The following CHST9 variants were observed in gnomAD, a reference collection of about 807,000 sequenced individuals.
The protein encoded by CHST9 is GalNAc-4-sulfotransferase 2.
In CHST9, 41 loss-of-function variants were observed where a neutral mutation model predicts 44.4. The observed-to-expected ratio is 0.92, with a 90% CI of 0.72 to 1.20. The LOEUF is 1.20. Among genes scored for constraint, CHST9 ranks in the 50% most tolerant of loss-of-function variants. The pLI is 0.00. For synonymous variants in CHST9, 171 were observed against 178.4 expected, an observed-to-expected ratio of 0.96 and a Z score of 0.33; for missense variants, 504 against 516.5, an observed-to-expected ratio of 0.98 and a Z score of 0.23.
intron 2 of CHST9, among the ~76,000 whole-genome samples, chr18:27,106,402 G>A (rs1439440974): frequency 2.6e-5 from 4 of 152,074 alleles, no homozygotes; most frequent in African/African-American, 9.7e-5. Flanking sequence ...TTTTGTTAAT[G>A]CCATTATTGG....
intron 5 of CHST9, among the ~76,000 whole-genome samples, chr18:26,929,745 C>A (rs887063107): frequency 6.6e-6 from 1 of 151,744 alleles, no homozygotes; most frequent in Non-Finnish European, 1.5e-5. Context: ...CCAGTTATTA[C>A]GGGGTAGGAG....
intron 2 of CHST9, among the ~76,000 whole-genome samples, chr18:27,111,973 A>G (rs2058274536): frequency 6.6e-6 from 1 of 152,054 alleles, no homozygotes; most frequent in African/African-American, 2.4e-5. Context: ...CTGGGTCTCC[A>G]GCTTACAGAT....
chr18:27,138,889 A>C (rs1303709945), intron 2 of CHST9, among the ~76,000 whole-genome samples: 1 of 152,216 alleles, frequency 6.6e-6, no homozygotes, highest in Non-Finnish European at 1.5e-5. Context: ...ACTACGAAAA[A>C]AAAAACTAAA....
At chr18:27,130,244 C>A (rs755604437) in intron 2 of CHST9, among the ~76,000 whole-genome samples, 1 of 152,152 alleles carries the variant, frequency 6.6e-6, no homozygotes, top group Non-Finnish European at 1.5e-5. Flanking sequence ...TTGCTGACTG[C>A]CATGAATTAT....
At chr18:27,078,544 T>G (rs2057929680) in intron 2 of CHST9, among the ~76,000 whole-genome samples, 1 of 152,158 alleles carries the variant, frequency 6.6e-6, no homozygotes, top group Non-Finnish European at 1.5e-5. Context: ...AACAAGGTTG[T>G]CCTGGTAGAT....
chr18:26,981,736 G>A (rs2056694476), intron 4 of CHST9, among the ~76,000 whole-genome samples: 1 of 152,160 alleles, frequency 6.6e-6, no homozygotes, highest in African/African-American at 2.4e-5. Flanking sequence ...TAGAAGCGGA[G>A]GCCTGACAAT....
intron 2 of CHST9, among the ~76,000 whole-genome samples, chr18:27,103,966 G>A (rs1387599301): frequency 6.6e-6 from 1 of 152,148 alleles, no homozygotes; most frequent in African/African-American, 2.4e-5. Flanking sequence ...CCTGATGCAA[G>A]GGGGTGAGAA....
At chr18:26,956,689 A>T (rs1470354514) in intron 4 of CHST9, among the ~76,000 whole-genome samples, 2 of 152,098 alleles carry the variant, frequency 1.3e-5, no homozygotes, top group Non-Finnish European at 2.9e-5. Context: ...TTCAAATCAT[A>T]CTTGAAAAGG....
At chr18:27,035,021 G>T (rs1218293096) in intron 3 of CHST9, among the ~76,000 whole-genome samples, 1 of 152,176 alleles carries the variant, frequency 6.6e-6, no homozygotes, top group Non-Finnish European at 1.5e-5. Context: ...TACATACCCA[G>T]AAATGGGATG....
At position 27,108,401 on chromosome 18, in the gene CHST9, T is replaced by C. The variant is rs748946803; in HGVS notation, c.121+34288A>G. On this transcript the variant is annotated intron_variant, in intron 2 of 5. Transcript: ENST00000618847. ...CAATAAGCAAATGAGATTTTTCTAG[T>C]GTGGGCAAGTATTTAAATGGTATGT... is the stretch of plus-strand genomic sequence containing the variant. Among the ~76,000 whole-genome samples the C allele has an allele frequency of 4.6e-5, 7 of 152,230 alleles. No homozygotes were observed. In the East Asian group the frequency reaches 1.2e-3, roughly 25 times the overall value.
chr18:27,162,193 C>T (rs1419441078), intron 1 of CHST9, among the ~76,000 whole-genome samples: 1 of 152,176 alleles, frequency 6.6e-6, no homozygotes, highest in Non-Finnish European at 1.5e-5. Context: ...GATGCAGTTT[C>T]TTCCTAGCCT....
intron 3 of CHST9, among the ~76,000 whole-genome samples, chr18:27,034,991 GAATTC>G (rs1176103610): frequency 6.6e-6 from 1 of 152,172 alleles, no homozygotes; most frequent in Non-Finnish European, 1.5e-5. Context: ...TTGAGATGCT[GAATTC>G]AATTCTTTTG....
chr18:26,944,469 T>C (rs1327178218), intron 4 of CHST9, 103 bp from the exon 5 acceptor site: 3 of 791,082 alleles, frequency 3.8e-6, no homozygotes, highest in South Asian at 1.5e-5. Context: ...AAAGTGGTCA[T>C]GGACTCTCTG....
At chr18:27,054,142 A>G (rs1319143258) in intron 2 of CHST9, among the ~76,000 whole-genome samples, 2 of 152,206 alleles carry the variant, frequency 1.3e-5, no homozygotes, top group African/African-American at 4.8e-5. Context: ...GAAATGCTGG[A>G]GAACATGAAG....
intron 5 of CHST9, among the ~76,000 whole-genome samples, chr18:26,929,234 C>T (rs1405358085): frequency 6.6e-6 from 1 of 152,200 alleles, no homozygotes; most frequent in Non-Finnish European, 1.5e-5. Context: ...TTCTGTTGCT[C>T]AGAGAAGGCA....
At chr18:27,095,969 A>C in intron 2 of CHST9, among the ~76,000 whole-genome samples, 1 of 152,044 alleles carries the variant, frequency 6.6e-6, no homozygotes, top group Non-Finnish European at 1.5e-5. Context: ...GCCCCCAACA[A>C]CCACAAAATG....
chr18:26,963,893 A>C (rs2056431649), intron 4 of CHST9, among the ~76,000 whole-genome samples: 1 of 152,212 alleles, frequency 6.6e-6, no homozygotes, highest in Non-Finnish European at 1.5e-5. Flanking sequence ...CAGGTCACAT[A>C]GTAAGTGCTC....
chr18:26,936,908 T>C (rs368691764), intron 5 of CHST9, among the ~76,000 whole-genome samples: 16 of 152,184 alleles, frequency 1.1e-4, no homozygotes, highest in African/African-American at 3.9e-4. Context: ...AATGGTACAT[T>C]TTCAGTACGG....
chr18:27,107,211 A>G (rs1416780835), intron 2 of CHST9, among the ~76,000 whole-genome samples: 1 of 152,224 alleles, frequency 6.6e-6, no homozygotes, highest in Non-Finnish European at 1.5e-5. Flanking sequence ...ATAGACTTAG[A>G]ATTCTATGAC....
Sources: gnomAD v4.1 joint callset for allele counts (sites outside exome capture counted in the v4.1 genomes callset) on GRCh38, gnomAD v4.1.1 for gene constraint, MANE v1.5 for transcripts, NCBI Gene and HGNC (gene_info 2026-07-23, HGNC 2026-07-21) for gene names.